The following ENPP2 variants were observed in gnomAD, a reference collection of about 807,000 sequenced individuals.
ENPP2 encodes the protein autotaxin.
A neutral mutation model predicts 120.2 loss-of-function variants in ENPP2; 51 were observed. That is an observed-to-expected ratio of 0.42 (90% CI 0.34 to 0.54). ENPP2 has a LOEUF of 0.54. Among genes scored for constraint, ENPP2 ranks in the 20% least tolerant of loss-of-function variants. The pLI, the probability that ENPP2 is intolerant of heterozygous loss-of-function variation, is 0.04. For missense variants in ENPP2, 920 were observed against 1,066.5 expected (o/e 0.86, Z 1.91); for synonymous variants, 365 against 366.4 (o/e 1.00, Z 0.04).
intron 11 of ENPP2, among the ~76,000 whole-genome samples, chr8:119,600,224 C>T (rs2130550110): frequency 6.6e-6 from 1 of 152,124 alleles, no homozygotes; most frequent in Non-Finnish European, 1.5e-5. Flanking sequence ...ATTATATCTG[C>T]CAAGGTTATT....
At chr8:119,607,777 C>G (rs1814825760) in intron 9 of ENPP2, 145 bp downstream of exon 9, 1 of 593,390 alleles carries the variant, frequency 1.7e-6, no homozygotes, top group African/African-American at 1.9e-5. Context: ...GAAAAAAACA[C>G]CTGGAAGGTT....
rs550319190 is a variant in ENPP2, at chr8:119,616,225, A to G, written c.777+40T>C. On this transcript the variant is annotated intron_variant, in intron 8 of 24. Transcript: ENST00000075322. ...GGGGATGAAATGTCTCAATACATGA[A>G]CACACAAACACATAGACACACAATA... 4 of 1,550,278 alleles carry G rather than the reference A, an allele frequency of 2.6e-6. No homozygotes were observed. In the African/African-American group the frequency reaches 4.0e-5, roughly 16 times the overall value.
chr8:119,583,681 A>T (rs1183862358), intron 17 of ENPP2, 36 bp downstream of exon 17: 2 of 1,145,886 alleles, frequency 1.7e-6, no homozygotes, highest in African/African-American at 3.1e-5. Context: ...CTAACTAAAG[A>T]TTGTTTCAAT....
chr8:119,557,787 ACTCT>A, intron 24 of ENPP2, 96 bp from the exon 25 acceptor site: 14 of 1,013,580 alleles, frequency 1.4e-5, no homozygotes, highest in Non-Finnish European at 1.8e-5. Context: ...ACCTCTGTGC[ACTCT>A]TGCACACAGA....
chr8:119,618,241 TC>T, intron 5 of ENPP2: 1 of 484,220 alleles, frequency 2.1e-6, no homozygotes, highest in South Asian at 1.5e-5. Flanking sequence ...TCATTTTTGT[TC>T]CGGGGATGTG....
intron 11 of ENPP2, among the ~76,000 whole-genome samples, chr8:119,597,274 T>C (rs1291858310): frequency 1.3e-5 from 2 of 152,210 alleles, no homozygotes; most frequent in Non-Finnish European, 2.9e-5. Flanking sequence ...AAGAGGATTT[T>C]CCGTTTCATG....
chr8:119,563,785 C>T (rs1445661398), intron 23 of ENPP2, among the ~76,000 whole-genome samples: 1 of 151,892 alleles, frequency 6.6e-6, no homozygotes, highest in African/African-American at 2.4e-5. Flanking sequence ...GCAATTTACA[C>T]AAAATTTCTC....
At chr8:119,622,398 T>C (rs955298113) in intron 3 of ENPP2, among the ~76,000 whole-genome samples, 1 of 152,240 alleles carries the variant, frequency 6.6e-6, no homozygotes, top group Admixed American at 6.5e-5. Flanking sequence ...ATTGTGGTCC[T>C]ACCTACAATG....
chr8:119,587,547 A>T (rs1813201547), intron 13 of ENPP2, among the ~76,000 whole-genome samples: 1 of 152,148 alleles, frequency 6.6e-6, no homozygotes, highest in Non-Finnish European at 1.5e-5. Context: ...TTATTTTTTT[A>T]AAAGGGAGTT....
intron 12 of ENPP2, 129 bp from the exon 13 acceptor site, chr8:119,590,759 T>G: frequency 1.8e-6 from 1 of 547,738 alleles, no homozygotes; most frequent in Non-Finnish European, 3.0e-6. Context: ...AGCCCTGACT[T>G]TTGAGATTTT....
At chr8:119,665,192 T>C (rs761821078) in intron 1 of ENPP2, among the ~76,000 whole-genome samples, 1 of 152,244 alleles carries the variant, frequency 6.6e-6, no homozygotes, top group African/African-American at 2.4e-5. Context: ...CTGGGGATTA[T>C]GATTTCAACA....
At chr8:119,580,896 A>C (rs886905723) in intron 18 of ENPP2, 12 of 152,226 alleles carry the variant, frequency 7.9e-5, no homozygotes, top group Non-Finnish European at 1.2e-4. Context: ...GCATTTATTA[A>C]AAATTTTACA....
intron 19 of ENPP2, among the ~76,000 whole-genome samples, chr8:119,573,763 C>T (rs868814890): frequency 3.9e-5 from 6 of 152,106 alleles, no homozygotes; most frequent in East Asian, 1.9e-4. Context: ...GAGCCAAGAT[C>T]GTGCGACTGC....
chr8:119,631,770 T>A (rs1396279899), intron 2 of ENPP2, among the ~76,000 whole-genome samples: 1 of 152,164 alleles, frequency 6.6e-6, no homozygotes, highest in African/African-American at 2.4e-5. Flanking sequence ...GCAATCCACC[T>A]TCATATTCTT....
At chr8:119,645,900 C>G (rs1285015887) in intron 1 of ENPP2, among the ~76,000 whole-genome samples, 2 of 151,862 alleles carry the variant, frequency 1.3e-5, no homozygotes, top group Non-Finnish European at 2.9e-5. Flanking sequence ...ATTAAGTTCT[C>G]TTTTATAATT....
intron 10 of ENPP2, 74 bp from the exon 11 acceptor site, chr8:119,600,824 A>T: frequency 1.1e-6 from 1 of 874,834 alleles, no homozygotes; most frequent in Non-Finnish European, 1.9e-6. Flanking sequence ...TTTTTAAAAA[A>T]CGCATTTAAA....
intron 1 of ENPP2, among the ~76,000 whole-genome samples, chr8:119,663,703 C>A (rs531893837): frequency 4.6e-5 from 7 of 152,042 alleles, no homozygotes; most frequent in Non-Finnish European, 8.8e-5. Context: ...TGTGTAGAAG[C>A]CACTGAAACA....
intron 12 of ENPP2, chr8:119,592,926 A>G (rs1813640456): frequency 1.1e-6 from 1 of 937,784 alleles, no homozygotes; most frequent in Non-Finnish European, 1.3e-6. Flanking sequence ...TTTGCCTACC[A>G]TTCTTAACAG....
At chr8:119,660,581 C>G (rs562969546) in intron 1 of ENPP2, among the ~76,000 whole-genome samples, 1 of 152,178 alleles carries the variant, frequency 6.6e-6, no homozygotes, top group African/African-American at 2.4e-5. Flanking sequence ...TGAGCAGAAG[C>G]TTTGGAATTC....
Sources: allele counts gnomAD v4.1 joint callset (sites outside exome capture counted in the v4.1 genomes callset), GRCh38; gene constraint gnomAD v4.1.1; transcripts MANE v1.5; gene names NCBI Gene and HGNC (gene_info 2026-07-23, HGNC 2026-07-21).